PTTG1IP: variants seen among roughly 807,000 people sequenced by gnomAD.
PTTG1IP encodes the protein PTTG1 interacting protein.
A neutral mutation model predicts 24.4 loss-of-function variants in PTTG1IP; 16 were observed. That is an observed-to-expected ratio of 0.66 (90% CI 0.44 to 1.00). The LOEUF (loss-of-function observed/expected upper bound fraction) is 1.00. Ranked by LOEUF, PTTG1IP falls within the 50% of genes least tolerant of loss-of-function variation. The pLI, the probability that PTTG1IP is intolerant of heterozygous loss-of-function variation, is 0.00. For missense variants in PTTG1IP, 241 were observed against 245.8 expected (o/e 0.98, Z 0.13); for synonymous variants, 89 against 96.8 (o/e 0.92, Z 0.47).
chr21:44,861,714 C>A, intron 2 of PTTG1IP: 1 of 716,502 alleles, frequency 1.4e-6, no homozygotes, highest in Admixed American at 2.0e-5. Context: ...CCGCCTCCAC[C>A]CCCTCCTCCT....
chr21:44,864,780 T>A (rs2146466569), intron 2 of PTTG1IP, among the ~76,000 whole-genome samples: 1 of 152,346 alleles, frequency 6.6e-6, no homozygotes, highest in East Asian at 1.9e-4. Flanking sequence ...GGCATCTGCA[T>A]CAGTCTCCAT....
At chr21:44,857,411 T>C (rs689968) in intron 3 of PTTG1IP, among the ~76,000 whole-genome samples, 60,328 of 152,178 alleles carry the variant, frequency 0.4, 14,763 homozygotes, top group African/African-American at 0.7. Context: ...CGCTTGAGCT[T>C]GGGAGGTTGA....
rs2083399280 is a variant in PTTG1IP at position 44,849,907 on chromosome 21, A to G, written c.*1674T>C. ...AGTGTCTTTTATGAATAAACAATAC[A>G]AAGTCCAATTTTGATGGCTGCTATA... On this transcript the variant is annotated 3_prime_UTR_variant, in exon 6 of 6. Coordinates refer to ENST00000330938, the MANE Select transcript of PTTG1IP (RefSeq NM_004339.4). 1.3e-5 allele frequency: 2 copies of G among 152,244 alleles called. No homozygotes were observed. The highest frequency in any genetic ancestry group is 2.4e-5 in the African/African-American group (1 of 41,454). 9.4% of individuals were successfully genotyped at this position (152,244 alleles called of 1,614,324 possible).
intron 2 of PTTG1IP, among the ~76,000 whole-genome samples, chr21:44,863,367 G>A (rs1375538476): frequency 1.3e-5 from 2 of 151,870 alleles, no homozygotes; most frequent in Non-Finnish European, 2.9e-5. Context: ...GACCTCCCAG[G>A]CACTGACACC....
At chr21:44,872,241 T>C (rs185593630) in intron 1 of PTTG1IP, among the ~76,000 whole-genome samples, 122 of 152,344 alleles carry the variant, frequency 8.0e-4, no homozygotes, top group African/African-American at 2.8e-3. Flanking sequence ...ACTGGCCTCC[T>C]TGACTAACAA....
chr21:44,865,955 T>C, intron 1 of PTTG1IP: 1 of 207,942 alleles, frequency 4.8e-6, no homozygotes, highest in South Asian at 7.8e-5. Flanking sequence ...CTTAGTCCCC[T>C]GGTAGCCTCA....
At position 44,873,546 on chromosome 21, in the gene PTTG1IP, A is replaced by G; in HGVS notation, c.71T>C (p.Leu24Pro). 2.0e-6 allele frequency: 3 copies of G among 1,470,118 alleles called. No individual in the cohort carries two copies. Among genetic ancestry groups the G allele is most frequent in the Non-Finnish European group, 2.7e-6 (3 of 1,116,754 alleles). 91.1% of individuals were successfully genotyped at this position (1,470,118 alleles called of 1,614,324 possible). A position where few individuals can be genotyped will look rare whatever the true frequency, so the allele number is the denominator to read the frequency against. The change falls in exon 1 of 6, where the codon CTG (leucine) becomes CCG (proline). Residue 24 changes from leucine to proline, a missense_variant. Coordinates refer to ENST00000330938, the MANE Select transcript of PTTG1IP (RefSeq NM_004339.4). ...CGCGGCGGCCACCGGGATGAGCAGC[A>G]GGAGCAGCGCGGCGCCACCGAGGCG... ...RLRLGGAALL[L>P]LLIPVAAAQE... is the part of the protein sequence containing the mutation.
At chr21:44,870,031 C>T (rs1327365232) in intron 1 of PTTG1IP, among the ~76,000 whole-genome samples, 1 of 152,212 alleles carries the variant, frequency 6.6e-6, no homozygotes, top group Non-Finnish European at 1.5e-5. Context: ...AGACCCAGAC[C>T]TCTGGATTAC....
At chr21:44,853,785 A>T (rs1395381966) in intron 5 of PTTG1IP, among the ~76,000 whole-genome samples, 1 of 152,208 alleles carries the variant, frequency 6.6e-6, no homozygotes, top group Non-Finnish European at 1.5e-5. Context: ...GAACCCAGAG[A>T]GTCAGCGCCC....
In PTTG1IP at chr21:44,867,113, T is replaced by C. The variant is rs539288964; in HGVS notation, c.116-1666A>G. Among the ~76,000 whole-genome samples the C allele has an allele frequency of 3.3e-5, 5 of 152,310 alleles. No individual in the cohort carries two copies. The East Asian group carries it at 7.7e-4, about 24-fold the overall frequency. On this transcript the variant is annotated intron_variant, in intron 1 of 5. Coordinates refer to ENST00000330938, the MANE Select transcript of PTTG1IP (RefSeq NM_004339.4). The stretch of plus-strand genomic sequence containing the variant: ...CAGACAGACTGGAACACTCACACGA[T>C]ACCAGCAGGGCATCAAGAATAGCAA...
At chr21:44,864,329 G>C (rs1420789576) in intron 2 of PTTG1IP, among the ~76,000 whole-genome samples, 2 of 152,266 alleles carry the variant, frequency 1.3e-5, no homozygotes, top group Non-Finnish European at 2.9e-5. Context: ...AGAGGTGCCA[G>C]CCAGGCTGGC....
intron 5 of PTTG1IP, among the ~76,000 whole-genome samples, chr21:44,854,442 C>T (rs978562754): frequency 6.6e-6 from 1 of 150,874 alleles, no homozygotes; most frequent in African/African-American, 2.5e-5. Context: ...ATGTCCATGA[C>T]GCCACACAAC....
intron 5 of PTTG1IP, 85 bp from the exon 6 acceptor site, chr21:44,851,712 A>G (rs1555970198): frequency 3.4e-6 from 5 of 1,473,568 alleles, no homozygotes; most frequent in Non-Finnish European, 2.7e-6. Flanking sequence ...AAGCTTTATA[A>G]GAAGATTTAC....
Position 44,856,299 on chromosome 21 carries a change from T to A in PTTG1IP, c.343A>T (p.Ile115Phe), listed in dbSNP as rs538543975. ...VGGTLLLGIA[I>F]CCCCCCRRKR... is the part of the protein sequence containing the mutation. ...CTCCTGCAGCAGCAGCAGCAGCAGA[T>A]GGCAATGCCCAGGAGGAGGGTTCCC... The change falls in exon 4 of 6, where the codon ATC becomes TTC. Residue 115 changes from isoleucine (I) to phenylalanine (F), a missense_variant. Transcript: ENST00000330938. 5 of 1,614,056 alleles carry A rather than the reference T, an allele frequency of 3.1e-6. No homozygotes were observed. The highest frequency in any genetic ancestry group is 1.7e-5 in the Admixed American group (1 of 60,004).
At chr21:44,866,423 A>AAC (rs34007977) in intron 1 of PTTG1IP, among the ~76,000 whole-genome samples, 2,266 of 19,756 alleles carry the variant, frequency 0.11, 629 homozygotes, top group East Asian at 0.22. Context: ...CCAATCCCAT[A>AAC]ACACACACAC....
chr21:44,852,645 G>C (rs528697272), intron 5 of PTTG1IP, among the ~76,000 whole-genome samples: 1 of 152,200 alleles, frequency 6.6e-6, no homozygotes, highest in Non-Finnish European at 1.5e-5. Flanking sequence ...CTGTCAAGGA[G>C]GGCCACAGGC....
chr21:44,851,807 A>C (rs566602915), intron 5 of PTTG1IP, among the ~76,000 whole-genome samples, 180 bp from the exon 6 acceptor site: 1 of 152,170 alleles, frequency 6.6e-6, no homozygotes. Context: ...TTAAACTTTA[A>C]AACTGAAATA....
intron 1 of PTTG1IP, among the ~76,000 whole-genome samples, chr21:44,866,277 G>C (rs1172136242): frequency 1.6e-4 from 15 of 95,224 alleles, no homozygotes; most frequent in South Asian, 3.7e-4. Flanking sequence ...CACGCAGACT[G>C]CCTACTCCCC....
intron 5 of PTTG1IP, among the ~76,000 whole-genome samples, chr21:44,852,461 G>A (rs139283304): frequency 0.011 from 1,697 of 152,188 alleles, 26 homozygotes; most frequent in African/African-American, 0.034. Flanking sequence ...GATTACAGGC[G>A]TGAGCCACCG....
Sources: gnomAD v4.1 joint callset for allele counts (sites outside exome capture counted in the v4.1 genomes callset) on GRCh38, gnomAD v4.1.1 for gene constraint, MANE v1.5 for transcripts, NCBI Gene and HGNC (gene_info 2026-07-23, HGNC 2026-07-21) for gene names.